The following ARFGEF3 variants were observed in gnomAD, a reference collection of about 807,000 sequenced individuals.
ARFGEF3 encodes brefeldin A-inhibited guanine nucleotide-exchange protein 3.
Under a neutral mutation model 221.7 loss-of-function variants are expected in ARFGEF3, and 96 were observed. The ratio of observed to expected loss-of-function variants is 0.43; its 90% CI spans 0.37 to 0.51. The LOEUF is 0.51. Among genes scored for constraint, ARFGEF3 ranks in the 20% least tolerant of loss-of-function variants. The pLI is 0.00. For synonymous variants in ARFGEF3, 1,145 were observed against 1,126.8 expected (o/e 1.02, Z -0.32); for missense variants, 2,410 against 2,789.9 (o/e 0.86, Z 3.07).
rs754942464 is a variant in ARFGEF3, at chr6:138,229,846, C to G, written c.414C>G (p.Ile138Met). The G allele has an allele frequency of 1.2e-6, 2 of 1,613,270 alleles. No individual in the cohort carries two copies. The highest frequency in any genetic ancestry group is 1.3e-5 in the African/African-American group (1 of 74,904). ...FDLNGSAVLK[I>M]AEVCIETYIS... ...TGAATGGGAGTGCCGTGCTGAAGAT[C>G]GCGGAGGTGAGTACTGCTTGTGTCT... Residue 138 changes from isoleucine (I) to methionine (M), a missense_variant, in exon 5 of 34, where the codon ATC (isoleucine) becomes ATG (methionine). By Grantham distance (10) the Ile-to-Met change is conservative. This residue lies in a region of ARFGEF3 where 570 missense variants were observed against 586.9 expected (regional missense o/e 0.97). Coordinates refer to ENST00000251691, the MANE Select transcript of ARFGEF3 (RefSeq NM_020340.5).
At chr6:138,200,006 G>A (rs919641399) in intron 2 of ARFGEF3, among the ~76,000 whole-genome samples, 1 of 152,166 alleles carries the variant, frequency 6.6e-6, no homozygotes, top group Non-Finnish European at 1.5e-5. Context: ...TATGTTGGCT[G>A]TGAGTTTGTC....
intron 22 of ARFGEF3, among the ~76,000 whole-genome samples, chr6:138,302,624 C>T (rs1202907406): frequency 1.3e-5 from 2 of 152,080 alleles, no homozygotes; most frequent in African/African-American, 4.8e-5. Flanking sequence ...AATGACAAAA[C>T]CTTAAAAGCT....
intron 26 of ARFGEF3, among the ~76,000 whole-genome samples, chr6:138,315,396 T>G (rs970423539): frequency 6.6e-6 from 1 of 152,198 alleles, no homozygotes; most frequent in Non-Finnish European, 1.5e-5. Context: ...GAATTGGATA[T>G]CATACCCTCA....
At chr6:138,252,498 A>G (rs779453174) in intron 8 of ARFGEF3, among the ~76,000 whole-genome samples, 9 of 152,168 alleles carry the variant, frequency 5.9e-5, no homozygotes, top group Non-Finnish European at 8.8e-5. Flanking sequence ...GTCTTTCTCA[A>G]TTTGGCAGTT....
chr6:138,208,403 A>C (rs1184888759), intron 3 of ARFGEF3, among the ~76,000 whole-genome samples: 1 of 152,176 alleles, frequency 6.6e-6, no homozygotes, highest in African/African-American at 2.4e-5. Context: ...TTTTGAAAGA[A>C]TATAGGCAAA....
rs1424544936 is a variant in ARFGEF3, at chr6:138,291,949, C to G, written c.3264C>G (p.Val1088=). The G allele has an allele frequency of 1.3e-6, 2 of 1,528,244 alleles. No homozygotes were observed. Among genetic ancestry groups the G allele is most frequent in the South Asian group, 1.2e-5 (1 of 81,400 alleles). 94.7% of individuals were successfully genotyped at this position (1,528,244 alleles called of 1,614,324 possible). Reference sequence around the variant, plus strand: ...AGCCCCTGTCCATCCAGGACCTCGTCCGGGAAGGCAGCCGGGGTCGGGCCT... The same window carrying G: ...AGCCCCTGTCCATCCAGGACCTCGTGCGGGAAGGCAGCCGGGGTCGGGCCT... ...VVQPLSIQDL[V]REGSRGRASD... is the part of the protein sequence containing the mutation. The change falls in exon 19 of 34, where the codon GTC becomes GTG. Residue 1088 remains valine (V), a synonymous_variant. Coordinates refer to ENST00000251691, the MANE Select transcript of ARFGEF3 (RefSeq NM_020340.5). The surrounding 1 kb of genome is among the most constrained non-coding windows in gnomAD (Gnocchi z 4.5).
intron 22 of ARFGEF3, among the ~76,000 whole-genome samples, chr6:138,305,812 T>C (rs1365662141): frequency 6.6e-6 from 1 of 152,128 alleles, no homozygotes; most frequent in African/African-American, 2.4e-5. Context: ...CATCACCCAT[T>C]TTTGACAAAA....
chr6:138,207,089 T>C lies in ARFGEF3; in HGVS notation c.185T>C (p.Val62Ala). Residue 62 changes from valine to alanine, a missense_variant, in exon 3 of 34, where the codon GTG becomes GCG. Coordinates refer to ENST00000251691, the MANE Select transcript of ARFGEF3 (RefSeq NM_020340.5). ...CAGTTGGCTTTGGAATCCAAGAATG[T>C]GAAGCTGGCCCAACATGCTTTGGCA... is the stretch of plus-strand genomic sequence containing the variant. Reference protein sequence around the residue: ...PLQLALESKNVKLAQHALAGM... With the variant: ...PLQLALESKNAKLAQHALAGM... The C allele has an allele frequency of 6.2e-7, 1 of 1,611,628 alleles. No homozygotes were observed. Among genetic ancestry groups the C allele is most frequent in the Non-Finnish European group, 8.5e-7 (1 of 1,179,070 alleles).
intron 12 of ARFGEF3, among the ~76,000 whole-genome samples, chr6:138,265,945 A>G: frequency 1.3e-5 from 2 of 151,932 alleles, no homozygotes. Context: ...GCCAGGCATG[A>G]TGGCTCACAC....
In ARFGEF3 at chr6:138,261,645, A is replaced by G. The variant is rs1169720561; in HGVS notation, c.1217+6A>G. ...CATCTGGATCTCCTCAAACTGTATG[A>G]TGTTTATCCTTTTAAGTCTTTATTG... On this transcript the variant is annotated splice_donor_region_variant and intron_variant, in intron 11 of 33. Coordinates refer to ENST00000251691, the MANE Select transcript of ARFGEF3 (RefSeq NM_020340.5). 6.7e-7 allele frequency: 1 copy of G among 1,501,692 alleles called. No individual in the cohort carries two copies. The highest frequency in any genetic ancestry group is 9.0e-7 in the Non-Finnish European group (1 of 1,108,194). The allele number at this position is 1,501,692 out of a possible 1,614,324, so 93.0% of individuals were successfully genotyped here. A position where few individuals can be genotyped will look rare whatever the true frequency, so the allele number is the denominator to read the frequency against.
At chr6:138,218,946 CT>C (rs35721496) in intron 4 of ARFGEF3, among the ~76,000 whole-genome samples, 6,065 of 151,936 alleles carry the variant, frequency 0.04, 385 homozygotes, top group African/African-American at 0.14. Flanking sequence ...TTTTTTAGAC[CT>C]TTTTTTATTG....
intron 31 of ARFGEF3, among the ~76,000 whole-genome samples, chr6:138,325,756 G>A (rs1220871690): frequency 6.6e-6 from 1 of 152,212 alleles, no homozygotes; most frequent in Non-Finnish European, 1.5e-5. Flanking sequence ...AAGTCAATGG[G>A]ATCTTCTGAA....
chr6:138,257,393 C>A (rs989399452), intron 10 of ARFGEF3, among the ~76,000 whole-genome samples: 2 of 152,138 alleles, frequency 1.3e-5, no homozygotes. Flanking sequence ...TTCACCAGTC[C>A]GATCAGGGGC....
rs1030108470 is a variant in ARFGEF3 at position 138,162,335 on chromosome 6, C to T, written c.85+164C>T. On this transcript the variant is annotated intron_variant, in intron 1 of 33. Coordinates refer to ENST00000251691, the MANE Select transcript of ARFGEF3 (RefSeq NM_020340.5). The surrounding 1 kb of genome is among the most constrained non-coding windows in gnomAD (Gnocchi z 4.7). The stretch of plus-strand genomic sequence containing the variant: ...GATGTGGGATTTGAGAGTCTTGGCT[C>T]GGGCGTGGACATCAGCCGCCTCCCC... Among the ~76,000 whole-genome samples the T allele has an allele frequency of 6.6e-6, 1 of 152,170 alleles. No homozygotes were observed. Among genetic ancestry groups the T allele is most frequent in the African/African-American group, 2.4e-5 (1 of 41,452 alleles).
At chr6:138,231,005 G>A (rs79040010) in intron 5 of ARFGEF3, among the ~76,000 whole-genome samples, 2,501 of 152,272 alleles carry the variant, frequency 0.016, 33 homozygotes, top group Middle Eastern at 0.048. Flanking sequence ...AAGGAAGAGA[G>A]GGGAGGTGTC....
intron 1 of ARFGEF3, among the ~76,000 whole-genome samples, chr6:138,164,792 C>T (rs1456323979): frequency 6.6e-6 from 1 of 152,178 alleles, no homozygotes; most frequent in East Asian, 1.9e-4. Context: ...GTTTTGGGCT[C>T]ATGAATCAAC....
chr6:138,255,559 G>T lies in ARFGEF3; in HGVS notation c.894G>T (p.Val298=). 1.9e-6 allele frequency: 3 copies of T among 1,614,040 alleles called. No homozygotes were observed. The South Asian group carries it at 3.3e-5, about 18-fold the overall frequency. The change falls in exon 10 of 34, where the codon GTG becomes GTT. Residue 298 remains valine (V), a synonymous_variant. Coordinates refer to ENST00000251691, the MANE Select transcript of ARFGEF3 (RefSeq NM_020340.5). The stretch of plus-strand genomic sequence containing the variant: ...AGTCGGACTCTGCGTCTCCGGGAGT[G>T]TCTGACCACGGCCGAGGATCAGGCT... The part of the protein sequence containing the change: ...SLESDSASPG[V]SDHGRGSGCS...
intron 17 of ARFGEF3, 87 bp from the exon 18 acceptor site, chr6:138,289,731 C>T: frequency 7.1e-7 from 1 of 1,402,718 alleles, no homozygotes; most frequent in Non-Finnish European, 9.9e-7. Flanking sequence ...TTCCCTTTTG[C>T]CCTTGCATGA....
At chr6:138,187,870 T>TG (rs1777217737) in intron 2 of ARFGEF3, among the ~76,000 whole-genome samples, 1 of 151,918 alleles carries the variant, frequency 6.6e-6, no homozygotes, top group Non-Finnish European at 1.5e-5. Context: ...TATGTGTAGG[T>TG]GGGGGAGTCA....
Sources: allele counts gnomAD v4.1 joint callset (sites outside exome capture counted in the v4.1 genomes callset), GRCh38; gene constraint gnomAD v4.1.1; regional missense constraint gnomAD v4.1.1; non-coding constraint Gnocchi (gnomAD v3.1); transcripts MANE v1.5; gene names NCBI Gene and HGNC (gene_info 2026-07-23, HGNC 2026-07-21).